B3GAT2: variants seen among roughly 807,000 people sequenced by gnomAD.
The protein encoded by B3GAT2 is galactosylgalactosylxylosylprotein 3-beta-glucuronosyltransferase 2.
B3GAT2 carries 26 observed loss-of-function variants against 27.8 expected under a neutral mutation model. That is an observed-to-expected ratio of 0.93 (90% CI 0.68 to 1.30). The LOEUF (loss-of-function observed/expected upper bound fraction) is 1.30. Among genes scored for constraint, B3GAT2 ranks in the 50% most tolerant of loss-of-function variants. B3GAT2 has a pLI of 0.00. For synonymous variants in B3GAT2, 218 were observed against 195.1 expected (o/e 1.12, Z -0.98); for missense variants, 458 against 459.0 (o/e 1.00, Z 0.02).
intron 1 of B3GAT2, among the ~76,000 whole-genome samples, chr6:70,938,698 C>T (rs943554244): frequency 2.4e-4 from 37 of 152,056 alleles, no homozygotes; most frequent in Admixed American, 1.6e-3. Flanking sequence ...ACTGGCTAGC[C>T]ATATGTAGAA....
chr6:70,872,344 T>C (rs1395282476), intron 2 of B3GAT2, among the ~76,000 whole-genome samples: 1 of 151,982 alleles, frequency 6.6e-6, no homozygotes, highest in East Asian at 1.9e-4. Context: ...TTGTCATTTT[T>C]ACTTTGTGTA....
intron 1 of B3GAT2, among the ~76,000 whole-genome samples, chr6:70,897,292 T>G (rs1411791386): frequency 6.6e-6 from 1 of 152,258 alleles, no homozygotes; most frequent in Non-Finnish European, 1.5e-5. Context: ...CACACAAATC[T>G]TTTATATGAT....
intron 1 of B3GAT2, among the ~76,000 whole-genome samples, chr6:70,917,762 C>T (rs1056968031): frequency 1.3e-5 from 2 of 152,138 alleles, no homozygotes; most frequent in Admixed American, 1.3e-4. Flanking sequence ...GTCTGAGAGA[C>T]AGTTTGATGT....
intron 1 of B3GAT2, among the ~76,000 whole-genome samples, chr6:70,898,058 C>T (rs923846994): frequency 6.6e-6 from 1 of 152,150 alleles, no homozygotes; most frequent in African/African-American, 2.4e-5. Context: ...ACTCCTCCAA[C>T]TTTATCCTTC....
Position 70,911,380 on chromosome 6 carries a change from C to T in B3GAT2, c.592-17108G>A, listed in dbSNP as rs111262124. ...AATCTTCTGCATATGGGTAGCGATC[C>T]ATCCCGAATCACTTATTGACTAGCA... is the stretch of plus-strand genomic sequence containing the variant. On this transcript the variant is annotated intron_variant, in intron 1 of 3. Transcript: ENST00000230053. 9.3e-3 allele frequency among the ~76,000 whole-genome samples: 1,413 copies of T among 152,156 alleles called. 11 individuals are homozygous for T. Among genetic ancestry groups the T allele is most frequent in the Middle Eastern group, 0.048 (14 of 294 alleles).
At chr6:70,924,749 T>C (rs909604277) in intron 1 of B3GAT2, among the ~76,000 whole-genome samples, 1 of 152,172 alleles carries the variant, frequency 6.6e-6, no homozygotes, top group Non-Finnish European at 1.5e-5. Context: ...AGAAATTTAG[T>C]TTGTAGTTTA....
At chr6:70,882,220 C>T (rs112326229) in intron 2 of B3GAT2, among the ~76,000 whole-genome samples, 2,048 of 151,990 alleles carry the variant, frequency 0.013, 47 homozygotes, top group African/African-American at 0.047. Context: ...CAAATAGGTA[C>T]GCTGGGTGTG....
intron 1 of B3GAT2, among the ~76,000 whole-genome samples, chr6:70,921,720 C>A (rs1182821372): frequency 6.6e-6 from 1 of 152,208 alleles, no homozygotes; most frequent in Admixed American, 6.5e-5. Context: ...TCTGTGTGGG[C>A]TGACATTCCT....
intron 1 of B3GAT2, among the ~76,000 whole-genome samples, chr6:70,936,143 A>G (rs1464778849): frequency 1.3e-5 from 2 of 152,052 alleles, no homozygotes; most frequent in Non-Finnish European, 2.9e-5. Context: ...ACAAAGATCA[A>G]AAGAGACAAA....
intron 2 of B3GAT2, among the ~76,000 whole-genome samples, chr6:70,888,946 A>G (rs1446630097): frequency 1.3e-5 from 2 of 151,948 alleles, no homozygotes; most frequent in African/African-American, 4.8e-5. Flanking sequence ...TTCCACTTGT[A>G]CTCATTTTCG....
chr6:70,877,137 G>A (rs1490774992), intron 2 of B3GAT2, among the ~76,000 whole-genome samples: 1 of 152,180 alleles, frequency 6.6e-6, no homozygotes, highest in East Asian at 1.9e-4. Flanking sequence ...GCAGCAGTAT[G>A]GTAACTGCCT....
chr6:70,884,691 A>G (rs757578984), intron 2 of B3GAT2, among the ~76,000 whole-genome samples: 12 of 152,246 alleles, frequency 7.9e-5, no homozygotes, highest in Non-Finnish European at 2.9e-5. Flanking sequence ...AGTCTGGAAG[A>G]GTAACTGGAA....
intron 1 of B3GAT2, among the ~76,000 whole-genome samples, chr6:70,954,887 G>T (rs1260457393): frequency 1.4e-5 from 2 of 145,278 alleles, no homozygotes; most frequent in Non-Finnish European, 3.0e-5. Context: ...AAGAACACCT[G>T]TTCTAACCCT....
chr6:70,918,913 CTG>C (rs1170985941), intron 1 of B3GAT2, among the ~76,000 whole-genome samples: 1 of 152,076 alleles, frequency 6.6e-6, no homozygotes, highest in Non-Finnish European at 1.5e-5. Context: ...GTGGTGTTCT[CTG>C]TATTTCCTGA....
At chr6:70,920,705 A>G (rs1484025820) in intron 1 of B3GAT2, among the ~76,000 whole-genome samples, 1 of 152,210 alleles carries the variant, frequency 6.6e-6, no homozygotes, top group Non-Finnish European at 1.5e-5. Flanking sequence ...TGCAGACTTG[A>G]TAGCGTAATT....
At chr6:70,864,230 G>GAGCC (rs1177793690) in intron 2 of B3GAT2, among the ~76,000 whole-genome samples, 1 of 151,962 alleles carries the variant, frequency 6.6e-6, no homozygotes, top group Non-Finnish European at 1.5e-5. Flanking sequence ...AAATGATATG[G>GAGCC]AGCCACCTGG....
rs1771719590 is a variant in B3GAT2, at chr6:70,861,372, C to G, written c.*291G>C. On this transcript the variant is annotated 3_prime_UTR_variant, in exon 4 of 4. Coordinates refer to ENST00000230053, the MANE Select transcript of B3GAT2 (RefSeq NM_080742.3). ...TGGAGAAAAAGAAAAAATATATACTCAAGAGTGGTATCTTGCAGTATCGGC... is the reference window on the plus strand; with the variant it reads ...TGGAGAAAAAGAAAAAATATATACTGAAGAGTGGTATCTTGCAGTATCGGC... 3.1e-6 allele frequency: 1 copy of G among 325,470 alleles called. No individual in the cohort carries two copies. Among genetic ancestry groups the G allele is most frequent in the Non-Finnish European group, 5.7e-6 (1 of 175,310 alleles). The allele number at this position is 325,470 out of a possible 1,614,324, so 20.2% of individuals were successfully genotyped here. A position where few individuals can be genotyped will look rare whatever the true frequency, so the allele number is the denominator to read the frequency against.
At position 70,861,624 on chromosome 6, in the gene B3GAT2, T is replaced by G; in HGVS notation, c.*39A>C. 7 of 1,573,224 alleles carry G rather than the reference T, an allele frequency of 4.4e-6. No homozygotes were observed. The highest frequency in any genetic ancestry group is 6.1e-6 in the Non-Finnish European group (7 of 1,144,998). On this transcript the variant is annotated 3_prime_UTR_variant, in exon 4 of 4. Coordinates refer to ENST00000230053, the MANE Select transcript of B3GAT2 (RefSeq NM_080742.3). ...CTCCAAACATCCTCTTCCATATGGATCCACTGGCTGGACAAACTGCACCAG... is the reference window on the plus strand; with the variant it reads ...CTCCAAACATCCTCTTCCATATGGAGCCACTGGCTGGACAAACTGCACCAG...
intron 1 of B3GAT2, among the ~76,000 whole-genome samples, chr6:70,938,902 A>T (rs1412807487): frequency 6.6e-6 from 1 of 151,792 alleles, no homozygotes; most frequent in African/African-American, 2.4e-5. Context: ...GACAAATGGG[A>T]TCTAATTAAA....
Sources: gnomAD v4.1 joint callset for allele counts (sites outside exome capture counted in the v4.1 genomes callset) on GRCh38, gnomAD v4.1.1 for gene constraint, MANE v1.5 for transcripts, NCBI Gene and HGNC (gene_info 2026-07-23, HGNC 2026-07-21) for gene names.